Variants in NFYB observed in about 807,000 individuals in gnomAD.
NFYB encodes nuclear transcription factor Y subunit beta.
NFYB carries 13 observed loss-of-function variants against 28.0 expected under a neutral mutation model. That is an observed-to-expected ratio of 0.46 (90% CI 0.30 to 0.74). NFYB has a LOEUF of 0.74. Ranked by LOEUF, NFYB falls within the 30% of genes least tolerant of loss-of-function variation. The probability of loss-of-function intolerance (pLI) is 0.07; values close to 1 mark genes in which losing one functional copy is unlikely to be tolerated. For missense variants in NFYB, 142 were observed against 247.6 expected, an observed-to-expected ratio of 0.57 and a Z score of 2.86; for synonymous variants, 74 against 75.0, an observed-to-expected ratio of 0.99 and a Z score of 0.07.
At chr12:104,124,227 G>C (rs1368119153) in intron 4 of NFYB, among the ~76,000 whole-genome samples, 4 of 152,206 alleles carry the variant, frequency 2.6e-5, no homozygotes, top group African/African-American at 9.7e-5. Flanking sequence ...AACATACGGT[G>C]ACTTTGACTT....
At chr12:104,126,942 T>C (rs1003862377) in intron 3 of NFYB, among the ~76,000 whole-genome samples, 1 of 152,236 alleles carries the variant, frequency 6.6e-6, no homozygotes, top group African/African-American at 2.4e-5. Flanking sequence ...ACTGATCCAG[T>C]TGGCTTACTA....
chr12:104,132,691 C>T (rs745759804), intron 2 of NFYB, among the ~76,000 whole-genome samples: 6 of 152,176 alleles, frequency 3.9e-5, no homozygotes, highest in Non-Finnish European at 7.3e-5. Flanking sequence ...ACAGCTGTCA[C>T]CGCAGAGAAT....
intron 4 of NFYB, among the ~76,000 whole-genome samples, chr12:104,125,849 CAAAA>C (rs374433754): frequency 1.1e-4 from 8 of 72,202 alleles, no homozygotes; most frequent in Middle Eastern, 8.9e-3. Context: ...ACTCTGTCCC[CAAAA>C]AAAAAAAAAA....
chr12:104,131,164 A>G (rs1224467161), intron 2 of NFYB: 1 of 152,282 alleles, frequency 6.6e-6, no homozygotes, highest in Non-Finnish European at 1.5e-5. Flanking sequence ...TTGGACTAAC[A>G]GCATTAGCCT....
intron 4 of NFYB, chr12:104,125,131 T>A (rs149784181): frequency 6.6e-6 from 1 of 152,146 alleles, no homozygotes; most frequent in African/African-American, 2.4e-5. Flanking sequence ...TATGTAAAAA[T>A]AGCTGTTTCC....
intron 3 of NFYB, 111 bp downstream of exon 3, chr12:104,128,313 T>C: frequency 3.2e-6 from 2 of 631,184 alleles, no homozygotes; most frequent in East Asian, 2.9e-5. Context: ...TAACACAAGA[T>C]TGTAAATTTT....
chr12:104,125,849 C>CCA (rs1555199371), intron 4 of NFYB, among the ~76,000 whole-genome samples: 3 of 72,208 alleles, frequency 4.2e-5, no homozygotes, highest in South Asian at 1.1e-3. Flanking sequence ...ACTCTGTCCC[C>CCA]AAAAAAAAAA....
rs768646851 is a variant in NFYB, at chr12:104,128,567, G to GT, written c.7-51dup. 1.7e-5 allele frequency: 22 copies of GT among 1,288,918 alleles called. No individual in the cohort carries two copies. In the African/African-American group the frequency reaches 1.9e-4, roughly 11 times the overall value. The allele number at this position is 1,288,918 out of a possible 1,614,324, so 79.8% of individuals were successfully genotyped here. A position where few individuals can be genotyped will look rare whatever the true frequency, so the allele number is the denominator to read the frequency against. ...AATACTTTTCAAAGTACTAACAAAC[G>GT]TAACAGATTCAACACTTATAAACTG... On this transcript the variant is annotated intron_variant, in intron 2 of 7. Transcript: ENST00000240055.
Position 104,135,432 on chromosome 12 carries a change from G to A in NFYB, c.6+16C>T, listed in dbSNP as rs371305644. ...TTCAAATCTAATTAACAACCAAAATGGTAAAATATACTTACTGTCATGAAA... is the reference window on the plus strand; with the variant it reads ...TTCAAATCTAATTAACAACCAAAATAGTAAAATATACTTACTGTCATGAAA... On this transcript the variant is annotated intron_variant, in intron 2 of 7. Coordinates refer to ENST00000240055, the MANE Select transcript of NFYB (RefSeq NM_006166.4). 133 of 1,582,584 alleles carry A rather than the reference G, an allele frequency of 8.4e-5. 1 individual carries two copies. In the African/African-American group the frequency reaches 1.7e-3, roughly 20 times the overall value.
intron 4 of NFYB, among the ~76,000 whole-genome samples, chr12:104,124,961 T>C (rs762100006): frequency 1.3e-5 from 2 of 152,096 alleles, no homozygotes; most frequent in African/African-American, 2.4e-5. Context: ...TTTTAAACTA[T>C]AAAATGACAG....
intron 2 of NFYB, among the ~76,000 whole-genome samples, chr12:104,130,509 AG>A (rs370668553): frequency 9.2e-5 from 14 of 152,328 alleles, no homozygotes; most frequent in African/African-American, 3.4e-4. Context: ...CTGTGAACAT[AG>A]GGTACCTATT....
chr12:104,119,844 T>A (rs2030398093), intron 7 of NFYB, 75 bp from the exon 8 acceptor site: 1 of 924,396 alleles, frequency 1.1e-6, no homozygotes, highest in African/African-American at 1.7e-5. Context: ...ATTATAAAAA[T>A]TCAGTGAATA....
In NFYB at chr12:104,119,756, T is replaced by C; in HGVS notation, c.605A>G (p.Gln202Arg). 1.2e-6 allele frequency: 2 copies of C among 1,603,056 alleles called. No homozygotes were observed. The highest frequency in any genetic ancestry group is 1.7e-6 in the Non-Finnish European group (2 of 1,171,230). The change falls in exon 8 of 8, where the codon CAG becomes CGG. Residue 202 changes from glutamine to arginine, a missense_variant. Around this residue, in one of 2 missense-constraint regions of NFYB, gnomAD observed 88 missense variants for 189.5 expected, o/e 0.46. Coordinates refer to ENST00000240055, the MANE Select transcript of NFYB (RefSeq NM_006166.4). ...TTSYQQISGVQQIQFS is the reference protein window; with the variant it reads ...TTSYQQISGVRQIQFS ...TTCAGATCATGAAAACTGAATTTGC[T>C]GAACACCAGAAATCTAAGATTAGAA... is the stretch of plus-strand genomic sequence containing the variant.
At chr12:104,122,202 C>T (rs1479144671) in intron 5 of NFYB, among the ~76,000 whole-genome samples, 1 of 152,170 alleles carries the variant, frequency 6.6e-6, no homozygotes, top group Non-Finnish European at 1.5e-5. Flanking sequence ...CTATTAGCCT[C>T]ATTTTACAGA....
chr12:104,129,334 TG>T (rs2030840592), intron 2 of NFYB, among the ~76,000 whole-genome samples: 1 of 152,086 alleles, frequency 6.6e-6, no homozygotes, highest in Non-Finnish European at 1.5e-5. Context: ...AGTCATCAAC[TG>T]GAATTCACCT....
intron 1 of NFYB, 55 bp from the exon 2 acceptor site, chr12:104,135,587 A>T: frequency 4.3e-6 from 3 of 691,250 alleles, no homozygotes; most frequent in Non-Finnish European, 7.0e-6. Context: ...AAAATACATC[A>T]AATGTATCAC....
chr12:104,131,383 C>T (rs1241736005), intron 2 of NFYB: 1 of 186,672 alleles, frequency 5.4e-6, no homozygotes, highest in African/African-American at 2.4e-5. Flanking sequence ...AGCTTTCTAT[C>T]ATTTCACGCC....
chr12:104,124,200 G>C (rs1207963865), intron 4 of NFYB, among the ~76,000 whole-genome samples: 2 of 152,184 alleles, frequency 1.3e-5, no homozygotes, highest in African/African-American at 2.4e-5. Flanking sequence ...ATAAGGCTTG[G>C]AAAAGAGAGA....
intron 1 of NFYB, 118 bp downstream of exon 1, chr12:104,138,023 G>T (rs1424368173): frequency 6.8e-6 from 1 of 146,838 alleles, no homozygotes; most frequent in Non-Finnish European, 1.5e-5. Context: ...CGGGAGGCTA[G>T]TGCCCCCGGC....
Sources: gnomAD v4.1 joint callset for allele counts (sites outside exome capture counted in the v4.1 genomes callset) on GRCh38, gnomAD v4.1.1 for gene constraint, gnomAD v4.1.1 regional missense constraint, MANE v1.5 for transcripts, NCBI Gene and HGNC (gene_info 2026-07-23, HGNC 2026-07-21) for gene names.